NALCN: variants seen among roughly 807,000 people sequenced by gnomAD.
NALCN encodes the protein sodium leak channel, non-selective.
NALCN carries 111 observed loss-of-function variants against 225.3 expected under a neutral mutation model. That is an observed-to-expected ratio of 0.49 (90% CI 0.42 to 0.58). NALCN has a LOEUF of 0.58. Ranked by LOEUF, NALCN falls within the 20% of genes least tolerant of loss-of-function variation. The pLI is 0.00. For synonymous variants in NALCN, 764 were observed against 769.0 expected (o/e 0.99, Z 0.11); for missense variants, 1,378 against 2,202.4 (o/e 0.63, Z 7.49).
intron 13 of NALCN, among the ~76,000 whole-genome samples, chr13:101,206,507 C>T (rs570105433): frequency 1.5e-4 from 22 of 151,598 alleles, no homozygotes; most frequent in African/African-American, 3.1e-4. Context: ...CTAGCATGTC[C>T]GTGTGTGTGT....
intron 27 of NALCN, among the ~76,000 whole-genome samples, chr13:101,100,459 T>C (rs2034747003): frequency 6.6e-6 from 1 of 152,194 alleles, no homozygotes; most frequent in Admixed American, 6.5e-5. Context: ...ACATATCACA[T>C]GCTTAAGCAA....
intron 18 of NALCN, among the ~76,000 whole-genome samples, chr13:101,120,933 C>T (rs1046799999): frequency 1.3e-5 from 2 of 152,314 alleles, no homozygotes; most frequent in Admixed American, 1.3e-4. Context: ...AGACCTCCAT[C>T]CTACAAACAC....
At chr13:101,283,782 T>C in intron 10 of NALCN, 151 bp downstream of exon 10, 4 of 586,386 alleles carry the variant, frequency 6.8e-6, no homozygotes, top group Non-Finnish European at 1.1e-5. Context: ...AGCTAGGTCC[T>C]GGGAATAGAG....
intron 6 of NALCN, among the ~76,000 whole-genome samples, chr13:101,371,584 A>G (rs1356915812): frequency 6.6e-6 from 1 of 152,172 alleles, no homozygotes; most frequent in Non-Finnish European, 1.5e-5. Context: ...ACCATCCTCT[A>G]TTCCCCCAAA....
At chr13:101,180,898 T>C (rs1373762623) in intron 14 of NALCN, 1 of 372,164 alleles carries the variant, frequency 2.7e-6, no homozygotes, top group Non-Finnish European at 5.3e-6. Context: ...ATCAGTCTTA[T>C]TTCTTCTCAG....
In NALCN at chr13:101,284,024, A is replaced by G. The variant is rs746844609; in HGVS notation, c.1048-5T>C. On this transcript the variant is annotated splice_region_variant and splice_polypyrimidine_tract_variant and intron_variant, in intron 9 of 43. Transcript: ENST00000251127. The stretch of plus-strand genomic sequence containing the variant: ...AGCAGCATCTTCATGAAACATCTTC[A>G]AGACAAAGAAGGGAGATGAGTCAGA... 6.2e-7 allele frequency: 1 copy of G among 1,612,600 alleles called. No individual in the cohort carries two copies. Among genetic ancestry groups the G allele is most frequent in the Non-Finnish European group, 8.5e-7 (1 of 1,179,314 alleles).
In NALCN at chr13:101,095,614, G is replaced by A. The variant is rs764421663; in HGVS notation, c.3229C>T (p.Pro1077Ser). The change falls in exon 28 of 44, where the codon CCT (proline) becomes TCT (serine). Residue 1077 changes from proline (P) to serine (S), a missense_variant. Coordinates refer to ENST00000251127, the MANE Select transcript of NALCN (RefSeq NM_052867.4). ...CAAAATCCAGGTTTTTTCTCTCCAG[G>A]CCTCAATTTTAAATTTAAGTTCTTT... ...VSKNLNLKLR[P>S]GEKKPGFWVP... The A allele has an allele frequency of 6.2e-7, 1 of 1,613,134 alleles. No individual in the cohort carries two copies. The highest frequency in any genetic ancestry group is 2.2e-5 in the East Asian group (1 of 44,836).
Position 101,237,784 on chromosome 13 carries a change from G to C in NALCN, c.1405C>G (p.Leu469Val), listed in dbSNP as rs956246464. The change falls in exon 12 of 44, where the codon CTT (leucine) becomes GTT (valine). Residue 469 changes from leucine to valine, a missense_variant. Leu to Val is a conservative substitution (Grantham distance 32). This residue lies in a region of NALCN where 144 missense variants were observed against 187.7 expected (regional missense o/e 0.77). Transcript: ENST00000251127. ...AAGTACGTGAATTGTGAATGATAAAGATCTGGGTATACATGAAGAGTAGTT... is the reference window on the plus strand; with the variant it reads ...AAGTACGTGAATTGTGAATGATAAACATCTGGGTATACATGAAGAGTAGTT... ...IGTTLHVYPDLYHSQFTYFQV... is the reference protein window; with the variant it reads ...IGTTLHVYPDVYHSQFTYFQV... 1.3e-6 allele frequency: 2 copies of C among 1,596,402 alleles called. No individual in the cohort carries two copies. Among genetic ancestry groups the C allele is most frequent in the Non-Finnish European group, 1.7e-6 (2 of 1,173,402 alleles).
At chr13:101,146,886 T>C (rs886618889) in intron 15 of NALCN, among the ~76,000 whole-genome samples, 2 of 151,814 alleles carry the variant, frequency 1.3e-5, no homozygotes, top group Non-Finnish European at 2.9e-5. Context: ...CTGGCAGATA[T>C]AGGAACAGAG....
At chr13:101,103,765 C>T (rs1015462774) in intron 25 of NALCN, among the ~76,000 whole-genome samples, 2 of 152,160 alleles carry the variant, frequency 1.3e-5, no homozygotes, top group Admixed American at 6.5e-5. Context: ...CCTCCTTGGA[C>T]ATACAGGAAA....
chr13:101,121,746 A>C (rs528722840), intron 18 of NALCN, among the ~76,000 whole-genome samples: 1 of 152,312 alleles, frequency 6.6e-6, no homozygotes, highest in East Asian at 1.9e-4. Flanking sequence ...GCCTTCTTTC[A>C]AAATGCAAAT....
chr13:101,410,133 T>C (rs1456945164), intron 1 of NALCN, among the ~76,000 whole-genome samples: 2 of 152,204 alleles, frequency 1.3e-5, no homozygotes, highest in Non-Finnish European at 2.9e-5. Context: ...AGCCACCTAG[T>C]CTGTGCTATT....
intron 34 of NALCN, 61 bp from the exon 35 acceptor site, chr13:101,076,002 A>G (rs745486266): frequency 2.1e-5 from 30 of 1,421,278 alleles, no homozygotes; most frequent in Non-Finnish European, 2.7e-5. Context: ...TTACAGTTCC[A>G]TTTTTTAAGC....
chr13:101,285,602 T>G (rs1004631398), intron 9 of NALCN, among the ~76,000 whole-genome samples: 1 of 152,172 alleles, frequency 6.6e-6, no homozygotes. Context: ...AGGTGCACAT[T>G]TACATAAAGC....
chr13:101,153,898 C>T (rs372113609), intron 15 of NALCN, among the ~76,000 whole-genome samples: 3 of 152,272 alleles, frequency 2.0e-5, no homozygotes, highest in Middle Eastern at 3.4e-3. Flanking sequence ...ATGGCATAAG[C>T]GGGTCTTCCA....
At chr13:101,116,031 T>C (rs555956855) in intron 18 of NALCN, among the ~76,000 whole-genome samples, 1 of 152,272 alleles carries the variant, frequency 6.6e-6, no homozygotes, top group African/African-American at 2.4e-5. Flanking sequence ...AATCCCTTTA[T>C]TCCTGTTCCC....
Position 101,104,292 on chromosome 13 carries a change from T to TA in NALCN, c.2889+2dup, listed in dbSNP as rs1410563494. On this transcript the variant is annotated splice_region_variant and intron_variant, in intron 25 of 43. Coordinates refer to ENST00000251127, the MANE Select transcript of NALCN (RefSeq NM_052867.4). The surrounding 1 kb of genome is among the most constrained non-coding windows in gnomAD (Gnocchi z 4.2). ...TTCATTTAGGCAATAAGCAAAGACT[T>TA]ACAAGATATATAAATATGTCCATTA... 6.3e-7 allele frequency: 1 copy of TA among 1,590,972 alleles called. No individual in the cohort carries two copies. The highest frequency in any genetic ancestry group is 1.9e-5 in the Admixed American group (1 of 53,386).
At chr13:101,159,730 C>G (rs972525588) in intron 15 of NALCN, among the ~76,000 whole-genome samples, 1 of 151,910 alleles carries the variant, frequency 6.6e-6, no homozygotes, top group African/African-American at 2.4e-5. Context: ...CCTATGAGAC[C>G]AGGGAGATGA....
chr13:101,266,812 G>T (rs2042611119), intron 10 of NALCN, among the ~76,000 whole-genome samples: 1 of 152,162 alleles, frequency 6.6e-6, no homozygotes, highest in African/African-American at 2.4e-5. Context: ...TTGCAAGTGG[G>T]ACATCTTTTG....
Sources: gnomAD v4.1 joint callset for allele counts (sites outside exome capture counted in the v4.1 genomes callset) on GRCh38, gnomAD v4.1.1 for gene constraint, gnomAD v4.1.1 regional missense constraint, Gnocchi (gnomAD v3.1) non-coding constraint, MANE v1.5 for transcripts, NCBI Gene and HGNC (gene_info 2026-07-23, HGNC 2026-07-21) for gene names.